The following PEX5L variants were observed in gnomAD, a reference collection of about 807,000 sequenced individuals.
PEX5L encodes the protein PEX5-related protein.
Under a neutral mutation model 84.0 loss-of-function variants are expected in PEX5L, and 30 were observed. The ratio of observed to expected loss-of-function variants is 0.36; its 90% CI spans 0.27 to 0.48. PEX5L has a LOEUF of 0.48. Among genes scored for constraint, PEX5L ranks in the 20% least tolerant of loss-of-function variants. The pLI is 0.99. For synonymous variants in PEX5L, 270 were observed against 283.1 expected (o/e 0.95, Z 0.46); for missense variants, 533 against 754.6 (o/e 0.71, Z 3.44).
chr3:179,967,778 G>A (rs921910954), intron 2 of PEX5L, among the ~76,000 whole-genome samples: 4 of 152,080 alleles, frequency 2.6e-5, no homozygotes, highest in African/African-American at 4.8e-5. Context: ...TCTCTGACCC[G>A]GTGATTCATA....
chr3:179,808,164 A>T, intron 13 of PEX5L, 108 bp downstream of exon 13: 1 of 882,604 alleles, frequency 1.1e-6, no homozygotes, highest in East Asian at 2.6e-5. Flanking sequence ...ACTTTAAACC[A>T]TTGGAGTCAG....
At chr3:179,841,050 AG>A (rs1216745321) in intron 8 of PEX5L, among the ~76,000 whole-genome samples, 2 of 152,186 alleles carry the variant, frequency 1.3e-5, no homozygotes, top group African/African-American at 4.8e-5. Context: ...AAGAGATACA[AG>A]TGGGGGAGAC....
chr3:179,834,720 C>A (rs1734334965), intron 8 of PEX5L, among the ~76,000 whole-genome samples: 1 of 152,096 alleles, frequency 6.6e-6, no homozygotes. Flanking sequence ...ACAATACTGT[C>A]CTTGAGACCA....
intron 1 of PEX5L, among the ~76,000 whole-genome samples, chr3:179,978,454 A>G (rs766937991): frequency 3.9e-5 from 6 of 152,154 alleles, no homozygotes; most frequent in Non-Finnish European, 8.8e-5. Context: ...TTTCAAACAC[A>G]CTGCAAAGTT....
At chr3:179,864,700 ATAAG>A (rs1560441985) in intron 7 of PEX5L, among the ~76,000 whole-genome samples, 1 of 152,194 alleles carries the variant, frequency 6.6e-6, no homozygotes, top group Non-Finnish European at 1.5e-5. Context: ...CACTATAAAA[ATAAG>A]TATGTGAGTG....
At chr3:179,884,874 T>C (rs1490111602) in intron 4 of PEX5L, among the ~76,000 whole-genome samples, 1 of 152,150 alleles carries the variant, frequency 6.6e-6, no homozygotes, top group Non-Finnish European at 1.5e-5. Context: ...AAAATTATAA[T>C]TTAGAACTTC....
At chr3:179,897,104 A>T (rs543932377) in intron 3 of PEX5L, among the ~76,000 whole-genome samples, 1 of 152,204 alleles carries the variant, frequency 6.6e-6, no homozygotes, top group East Asian at 1.9e-4. Context: ...ATAAAGTAAA[A>T]CCACACATGT....
intron 2 of PEX5L, among the ~76,000 whole-genome samples, chr3:179,905,378 T>C (rs1234665777): frequency 1.3e-5 from 2 of 151,888 alleles, no homozygotes; most frequent in African/African-American, 2.4e-5. Context: ...GTTCAAGCCA[T>C]TCTCCTGCCT....
chr3:180,014,635 G>C (rs1221360198), intron 1 of PEX5L, among the ~76,000 whole-genome samples: 2 of 152,120 alleles, frequency 1.3e-5, no homozygotes, highest in Non-Finnish European at 2.9e-5. Context: ...ACCACGGAAA[G>C]TAGTGTAAAA....
At chr3:179,977,256 A>T (rs1302519520) in intron 1 of PEX5L, among the ~76,000 whole-genome samples, 2 of 152,334 alleles carry the variant, frequency 1.3e-5, no homozygotes, top group East Asian at 1.9e-4. Flanking sequence ...GCAGTAAAAA[A>T]GATGGGGCCA....
chr3:179,976,951 C>T (rs142609270), intron 1 of PEX5L, among the ~76,000 whole-genome samples: 15 of 152,110 alleles, frequency 9.9e-5, no homozygotes, highest in Admixed American at 5.2e-4. Context: ...ATTCATGAAG[C>T]AAGAAAGTAA....
chr3:179,947,760 G>A (rs1327027985), intron 2 of PEX5L, among the ~76,000 whole-genome samples: 2 of 145,648 alleles, frequency 1.4e-5, no homozygotes, highest in Non-Finnish European at 3.0e-5. Flanking sequence ...AGGCTGGAGT[G>A]CAGTGGCATG....
intron 2 of PEX5L, among the ~76,000 whole-genome samples, chr3:179,921,059 C>A (rs549670898): frequency 6.6e-6 from 1 of 152,110 alleles, no homozygotes; most frequent in Non-Finnish European, 1.5e-5. Context: ...AGGAAGCAAA[C>A]CAATTGCTCA....
chr3:179,874,290 G>C, intron 7 of PEX5L, 37 bp downstream of exon 7: 1 of 1,159,694 alleles, frequency 8.6e-7, no homozygotes, highest in Non-Finnish European at 1.3e-6. Flanking sequence ...ACTATATATA[G>C]GGAAAGATGT....
At chr3:179,827,170 C>T (rs1053567329) in intron 8 of PEX5L, among the ~76,000 whole-genome samples, 1 of 152,164 alleles carries the variant, frequency 6.6e-6, no homozygotes, top group Non-Finnish European at 1.5e-5. Flanking sequence ...AAGAGTTTGT[C>T]TATTGCTCTG....
chr3:180,015,347 G>A (rs1282503928), intron 1 of PEX5L, among the ~76,000 whole-genome samples: 1 of 152,112 alleles, frequency 6.6e-6, no homozygotes, highest in Non-Finnish European at 1.5e-5. Flanking sequence ...GTTAGCGAAC[G>A]AGCTACCAAA....
intron 1 of PEX5L, among the ~76,000 whole-genome samples, chr3:179,972,153 C>G (rs1262663980): frequency 5.9e-5 from 9 of 152,172 alleles, no homozygotes; most frequent in Non-Finnish European, 1.0e-4. Context: ...CATTTGCTCA[C>G]AAGTCAGATG....
At chr3:179,974,798 C>A (rs1200051709) in intron 1 of PEX5L, among the ~76,000 whole-genome samples, 2 of 152,186 alleles carry the variant, frequency 1.3e-5, no homozygotes, top group Non-Finnish European at 2.9e-5. Context: ...CTCTCCTTAA[C>A]CCTACCTCCT....
intron 2 of PEX5L, among the ~76,000 whole-genome samples, chr3:179,944,082 T>G (rs2109847092): frequency 6.6e-6 from 1 of 151,756 alleles, no homozygotes; most frequent in East Asian, 1.9e-4. Flanking sequence ...ATTCAAAGGC[T>G]ACTTTTTAAT....
Sources: allele counts gnomAD v4.1 joint callset (sites outside exome capture counted in the v4.1 genomes callset), GRCh38; gene constraint gnomAD v4.1.1; transcripts MANE v1.5; gene names NCBI Gene and HGNC (gene_info 2026-07-23, HGNC 2026-07-21).